TSNARE1: variants seen among roughly 807,000 people sequenced by gnomAD.
The protein encoded by TSNARE1 is t-SNARE domain containing 1.
In TSNARE1, 49 loss-of-function variants were observed where a neutral mutation model predicts 62.0. The ratio of observed to expected loss-of-function variants is 0.79; its 90% CI spans 0.63 to 1.00. The LOEUF (loss-of-function observed/expected upper bound fraction) is 1.00. Among genes scored for constraint, TSNARE1 ranks in the 50% least tolerant of loss-of-function variants. The pLI, the probability that TSNARE1 is intolerant of heterozygous loss-of-function variation, is 0.00. For synonymous variants in TSNARE1, 328 were observed against 294.4 expected (o/e 1.11, Z -1.17); for missense variants, 755 against 700.1 (o/e 1.08, Z -0.88).
chr8:142,302,742 G>A (rs546651577), intron 9 of TSNARE1, among the ~76,000 whole-genome samples: 9 of 152,228 alleles, frequency 5.9e-5, no homozygotes, highest in South Asian at 2.1e-4. Flanking sequence ...CCTAGGTGTC[G>A]CCCTAGGCAT....
chr8:142,301,222 G>GC (rs1272192570), intron 9 of TSNARE1, among the ~76,000 whole-genome samples: 5 of 87,378 alleles, frequency 5.7e-5, no homozygotes, highest in African/African-American at 1.9e-4. Context: ...CGGCCACAGT[G>GC]CCCCCCACCT....
At chr8:142,377,293 T>C (rs911104449) in intron 1 of TSNARE1, among the ~76,000 whole-genome samples, 1 of 150,648 alleles carries the variant, frequency 6.6e-6, no homozygotes, top group African/African-American at 2.5e-5. Flanking sequence ...AAAGAAAACA[T>C]CTACCAAATA....
chr8:142,217,941 T>TG, intron 13 of TSNARE1, among the ~76,000 whole-genome samples: 1 of 139,286 alleles, frequency 7.2e-6, no homozygotes, highest in Admixed American at 7.1e-5. Context: ...GGGCTCAGAG[T>TG]ATGAGCAGGA....
intron 12 of TSNARE1, among the ~76,000 whole-genome samples, chr8:142,243,953 C>T (rs1421695255): frequency 6.6e-5 from 10 of 151,766 alleles, no homozygotes; most frequent in East Asian, 3.9e-4. Flanking sequence ...TTTGGGAGGC[C>T]GAGGCAGGCG....
In TSNARE1 at chr8:142,318,624, G is replaced by A; in HGVS notation, c.904C>T (p.Gln302Ter). 1 of 1,613,798 alleles carries A rather than the reference G, an allele frequency of 6.2e-7. No individual in the cohort carries two copies. The highest frequency in any genetic ancestry group is 8.5e-7 in the Non-Finnish European group (1 of 1,180,012). The change falls in exon 7 of 14, where the codon CAG (glutamine) becomes TAG (stop). Residue 302 changes from glutamine to a stop codon, truncating the protein, a stop_gained. Transcript: ENST00000524325. LOFTEE classifies it high-confidence loss of function. The stretch of plus-strand genomic sequence containing the variant: ...GCAATGGTCTTGTTGGTCTCCTGCT[G>A]TGCCGTGTGCCTGGGGGCCGAGAAG... ...QELRDSLHTA[Q>*]QETNKTIAAS... is the part of the protein sequence containing the mutation.
chr8:142,353,583 C>T (rs1025993113), intron 2 of TSNARE1, among the ~76,000 whole-genome samples: 1 of 152,230 alleles, frequency 6.6e-6, no homozygotes, highest in Non-Finnish European at 1.5e-5. Context: ...GGCAGGCAGC[C>T]GCCCTCTCGA....
chr8:142,366,040 A>T (rs2130950261), intron 1 of TSNARE1: 1 of 377,268 alleles, frequency 2.7e-6, no homozygotes, highest in South Asian at 1.9e-5. Context: ...GATTTTTCTG[A>T]TTGCTTTTTT....
chr8:142,366,243 A>G (rs191730833), intron 1 of TSNARE1, among the ~76,000 whole-genome samples: 11 of 152,190 alleles, frequency 7.2e-5, no homozygotes, highest in Admixed American at 7.2e-4. Context: ...TCACCATGTT[A>G]GCCAAGATGG....
chr8:142,315,069 A>G lies in TSNARE1; in HGVS notation c.1008T>C (p.Arg336=), dbSNP rs1392931819. 1.9e-6 allele frequency: 3 copies of G among 1,613,772 alleles called. No homozygotes were observed. The African/African-American group carries it at 4.0e-5, about 22-fold the overall frequency. The change falls in exon 8 of 14, where the codon CGT becomes CGC. Residue 336 remains arginine, a synonymous_variant. Transcript: ENST00000524325. ...GGGTTTTCAGCCGGTCCAGCTGAGGACGCTCCTGCTGCAGACGCTCCTGCT... is the reference window on the plus strand; with the variant it reads ...GGGTTTTCAGCCGGTCCAGCTGAGGGCGCTCCTGCTGCAGACGCTCCTGCT... ...SCPQERLQQE[R]PQLDRLKTQL...
chr8:142,332,486 AG>A (rs1177535406), intron 4 of TSNARE1, among the ~76,000 whole-genome samples: 3 of 152,166 alleles, frequency 2.0e-5, no homozygotes, highest in African/African-American at 7.2e-5. Flanking sequence ...TGGTGATTAT[AG>A]AATGCTGAAT....
chr8:142,298,511 G>A (rs376998216), intron 10 of TSNARE1, among the ~76,000 whole-genome samples: 19 of 152,290 alleles, frequency 1.2e-4, no homozygotes, highest in African/African-American at 4.6e-4. Context: ...CCGGAACCCC[G>A]AGACCCGTGC....
At chr8:142,351,422 G>A (rs952496552) in intron 2 of TSNARE1, among the ~76,000 whole-genome samples, 1 of 152,184 alleles carries the variant, frequency 6.6e-6, no homozygotes, top group African/African-American at 2.4e-5. Context: ...TTTAAGAAAA[G>A]ATATGTAAGA....
intron 1 of TSNARE1, among the ~76,000 whole-genome samples, chr8:142,397,374 C>T (rs143841095): frequency 6.9e-4 from 105 of 152,320 alleles, no homozygotes; most frequent in Non-Finnish European, 1.4e-3. Flanking sequence ...CCAAGACGCC[C>T]GGAGATTCCA....
chr8:142,310,268 T>C (rs1306761982), intron 9 of TSNARE1, among the ~76,000 whole-genome samples: 2 of 152,248 alleles, frequency 1.3e-5, no homozygotes, highest in Admixed American at 1.3e-4. Flanking sequence ...CCTCGATGTG[T>C]ATGTTACTTC....
intron 12 of TSNARE1, among the ~76,000 whole-genome samples, chr8:142,249,255 G>A (rs182034638): frequency 6.6e-6 from 1 of 152,346 alleles, no homozygotes; most frequent in East Asian, 1.9e-4. Flanking sequence ...TGAGGGCGGT[G>A]GACCCAGGCC....
chr8:142,350,879 G>A (rs1263963439), intron 2 of TSNARE1, among the ~76,000 whole-genome samples: 1 of 152,192 alleles, frequency 6.6e-6, no homozygotes, highest in African/African-American at 2.4e-5. Context: ...ACTCGAAGGA[G>A]GAGCATAGGT....
intron 12 of TSNARE1, chr8:142,269,402 G>A (rs1432859852): frequency 2.0e-6 from 2 of 984,024 alleles, no homozygotes; most frequent in Admixed American, 6.1e-5. Flanking sequence ...CACCAGAGTA[G>A]AGGCTGTGTC....
chr8:142,262,283 G>A (rs1818935130), intron 12 of TSNARE1, among the ~76,000 whole-genome samples: 1 of 151,998 alleles, frequency 6.6e-6, no homozygotes, highest in Non-Finnish European at 1.5e-5. Flanking sequence ...ATAGATTTGG[G>A]AATTGGCAGC....
chr8:142,227,267 A>C (rs80298895), intron 13 of TSNARE1, among the ~76,000 whole-genome samples: 5 of 134,724 alleles, frequency 3.7e-5, no homozygotes, highest in South Asian at 2.4e-4. Flanking sequence ...GACAGCCAGG[A>C]CCTCCACTGC....
Sources: gnomAD v4.1 joint callset for allele counts (sites outside exome capture counted in the v4.1 genomes callset) on GRCh38, gnomAD v4.1.1 for gene constraint, MANE v1.5 for transcripts, NCBI Gene and HGNC (gene_info 2026-07-23, HGNC 2026-07-21) for gene names.